CAMKMT: variants seen among roughly 807,000 people sequenced by gnomAD.
CAMKMT encodes the protein CaM KMT.
A neutral mutation model predicts 48.0 loss-of-function variants in CAMKMT; 53 were observed. The observed-to-expected ratio is 1.10, with a 90% CI of 0.89 to 1.39. The LOEUF is 1.39. CAMKMT is among the 40% of genes most tolerant of loss of function. CAMKMT has a pLI of 0.00. For missense variants in CAMKMT, 428 were observed against 402.7 expected (o/e 1.06, Z -0.54); for synonymous variants, 165 against 152.3 (o/e 1.08, Z -0.61).
At chr2:44,607,708 A>G (rs944324164) in intron 3 of CAMKMT, among the ~76,000 whole-genome samples, 1 of 152,178 alleles carries the variant, frequency 6.6e-6, no homozygotes, top group African/African-American at 2.4e-5. Context: ...TAGGTGCTTC[A>G]TTGGCTTTTT....
intron 3 of CAMKMT, among the ~76,000 whole-genome samples, chr2:44,415,473 C>T (rs1389467432): frequency 6.6e-6 from 1 of 152,170 alleles, no homozygotes; most frequent in Non-Finnish European, 1.5e-5. Flanking sequence ...CCACTGTCTC[C>T]AGACTCTGGT....
intron 3 of CAMKMT, among the ~76,000 whole-genome samples, chr2:44,646,407 G>A (rs1378578487): frequency 3.3e-5 from 5 of 151,802 alleles, no homozygotes; most frequent in African/African-American, 4.8e-5. Flanking sequence ...GTCTCATAAC[G>A]TTACAGAAAA....
chr2:44,725,143 C>CATGTGTGTGT (rs549860357), intron 7 of CAMKMT, among the ~76,000 whole-genome samples: 1 of 140,556 alleles, frequency 7.1e-6, no homozygotes, highest in African/African-American at 2.7e-5. Flanking sequence ...GCTTTCTGGA[C>CATGTGTGTGT]GTGTGTGTGT....
intron 7 of CAMKMT, among the ~76,000 whole-genome samples, chr2:44,743,070 C>A (rs1679769386): frequency 6.6e-6 from 1 of 152,096 alleles, no homozygotes; most frequent in Admixed American, 6.6e-5. Flanking sequence ...AAACCTGATC[C>A]CCTTTGGGAG....
chr2:44,423,193 A>ATTTG (rs1385423965), intron 3 of CAMKMT, among the ~76,000 whole-genome samples: 4 of 151,372 alleles, frequency 2.6e-5, no homozygotes. Flanking sequence ...TTATTTATTT[A>ATTTG]TTTTGAGACA....
At chr2:44,736,564 A>G (rs1472344073) in intron 7 of CAMKMT, among the ~76,000 whole-genome samples, 6 of 152,184 alleles carry the variant, frequency 3.9e-5, no homozygotes, top group Admixed American at 6.5e-5. Flanking sequence ...TCATTAAATT[A>G]GGACATTTTT....
At chr2:44,749,847 A>G (rs1179335908) in intron 8 of CAMKMT, among the ~76,000 whole-genome samples, 2 of 152,126 alleles carry the variant, frequency 1.3e-5, no homozygotes, top group Non-Finnish European at 2.9e-5. Context: ...AGCTAAAAAG[A>G]ATGATGCAGG....
intron 3 of CAMKMT, among the ~76,000 whole-genome samples, chr2:44,600,258 A>G (rs1218079840): frequency 6.6e-6 from 1 of 150,906 alleles, no homozygotes; most frequent in Non-Finnish European, 1.5e-5. Flanking sequence ...CATGAGACCA[A>G]GATTTTTTTT....
chr2:44,634,475 C>T (rs972759656), intron 3 of CAMKMT, among the ~76,000 whole-genome samples: 17 of 151,932 alleles, frequency 1.1e-4, no homozygotes, highest in African/African-American at 4.1e-4. Flanking sequence ...AGCTTTCAGT[C>T]ATCACTAGAA....
chr2:44,555,995 T>G (rs1667985287), intron 3 of CAMKMT, among the ~76,000 whole-genome samples: 1 of 151,996 alleles, frequency 6.6e-6, no homozygotes, highest in Non-Finnish European at 1.5e-5. Context: ...GGAGCAGAAG[T>G]ATAGCTTGTC....
chr2:44,458,370 T>G (rs1435336444), intron 3 of CAMKMT, among the ~76,000 whole-genome samples: 1 of 152,160 alleles, frequency 6.6e-6, no homozygotes, highest in Admixed American at 6.5e-5. Flanking sequence ...AGCAAATGAC[T>G]GAGTCACCTC....
intron 3 of CAMKMT, among the ~76,000 whole-genome samples, chr2:44,426,778 C>T (rs1684305328): frequency 6.6e-6 from 1 of 152,172 alleles, no homozygotes; most frequent in African/African-American, 2.4e-5. Flanking sequence ...AATGCTATTT[C>T]TATGAAATTA....
At chr2:44,705,079 C>T (rs343990) in intron 4 of CAMKMT, among the ~76,000 whole-genome samples, 26,539 of 151,922 alleles carry the variant, frequency 0.17, 2,553 homozygotes, top group African/African-American at 0.25. Flanking sequence ...GCAGATAAGC[C>T]GCTAGTGATC....
intron 6 of CAMKMT, among the ~76,000 whole-genome samples, chr2:44,709,702 C>A (rs898997126): frequency 1.6e-4 from 25 of 151,886 alleles, no homozygotes; most frequent in African/African-American, 5.8e-4. Flanking sequence ...TAGATTGAAA[C>A]AAACTTATTT....
At chr2:44,712,885 C>A (rs1677958773) in intron 6 of CAMKMT, among the ~76,000 whole-genome samples, 1 of 152,092 alleles carries the variant, frequency 6.6e-6, no homozygotes, top group African/African-American at 2.4e-5. Flanking sequence ...CCATCAAAAT[C>A]TGACCTAAAG....
At chr2:44,441,266 T>G (rs907864185) in intron 3 of CAMKMT, among the ~76,000 whole-genome samples, 2 of 152,218 alleles carry the variant, frequency 1.3e-5, no homozygotes, top group African/African-American at 4.8e-5. Flanking sequence ...CCCTACATCA[T>G]GAGTTTTCAG....
chr2:44,686,401 AAAAAAACAAAAC>A (rs1469992479), intron 3 of CAMKMT, among the ~76,000 whole-genome samples: 33 of 151,718 alleles, frequency 2.2e-4, no homozygotes, highest in African/African-American at 7.5e-4. Flanking sequence ...TCAAAAAAAA[AAAAAAACAAAAC>A]AAAAAACAAA....
rs1387719574 is a variant in CAMKMT, at chr2:44,706,289, C to A, written c.440C>A (p.Ala147Asp). ...YCLKHNNIFR[A>D]LAVCELGGGM... ...ACCATTTCTTTTCTCTCTTTCAGGG[C>A]CCTTGCTGTGTGTGAGCTAGGGGGT... is the stretch of plus-strand genomic sequence containing the variant. The change falls in exon 5 of 11, where the codon GCC becomes GAC. Residue 147 changes from alanine (A) to aspartate (D), a missense_variant and splice_region_variant. Physicochemically the swap from Ala to Asp is moderately radical, Grantham distance 126. Coordinates refer to ENST00000378494, the MANE Select transcript of CAMKMT (RefSeq NM_024766.5). 3.4e-5 allele frequency: 55 copies of A among 1,613,090 alleles called. No homozygotes were observed. The highest frequency in any genetic ancestry group is 4.6e-5 in the Non-Finnish European group (54 of 1,179,462).
intron 3 of CAMKMT, among the ~76,000 whole-genome samples, chr2:44,565,699 TAAAAAAACAAAA>T (rs985848574): frequency 6.7e-6 from 1 of 148,512 alleles, no homozygotes; most frequent in Non-Finnish European, 1.5e-5. Context: ...AGTCTGGAAT[TAAAAAAACAAAA>T]AAAAAAACAA....
Sources: allele counts gnomAD v4.1 joint callset (sites outside exome capture counted in the v4.1 genomes callset), GRCh38; gene constraint gnomAD v4.1.1; transcripts MANE v1.5; gene names NCBI Gene and HGNC (gene_info 2026-07-23, HGNC 2026-07-21).